The following ZNRF3 variants were observed in gnomAD, a reference collection of about 807,000 sequenced individuals.
ZNRF3 encodes E3 ubiquitin-protein ligase ZNRF3.
Under a neutral mutation model 72.5 loss-of-function variants are expected in ZNRF3, and 23 were observed. The observed-to-expected ratio is 0.32, with a 90% CI of 0.23 to 0.45. ZNRF3 has a LOEUF of 0.45. ZNRF3 is among the 20% of genes least tolerant of loss of function. ZNRF3 has a pLI of 1.00. For missense variants in ZNRF3, 1,169 were observed against 1,272.1 expected, an observed-to-expected ratio of 0.92 and a Z score of 1.23; for synonymous variants, 610 against 545.3, an observed-to-expected ratio of 1.12 and a Z score of -1.65.
intron 1 of ZNRF3, among the ~76,000 whole-genome samples, chr22:28,958,032 A>C (rs969709264): frequency 1.3e-5 from 2 of 151,968 alleles, no homozygotes; most frequent in Non-Finnish European, 2.9e-5. Flanking sequence ...CTAAAAATAC[A>C]AAAAAATTAG....
intron 1 of ZNRF3, among the ~76,000 whole-genome samples, chr22:28,931,813 C>G (rs369973965): frequency 6.6e-6 from 1 of 152,228 alleles, no homozygotes; most frequent in Admixed American, 6.5e-5. Context: ...ATCAGGAGGA[C>G]TCTTCCTGCC....
Position 29,048,137 on chromosome 22 carries a change from G to A in ZNRF3, c.913-252G>A, listed in dbSNP as rs986785092. ...GCCCTCCTCCAGCTACGGGAAAGAC[G>A]CCTGCCTCTGTGCGTGCCCACTCCC... On this transcript the variant is annotated intron_variant, in intron 6 of 8. Coordinates refer to ENST00000544604, the MANE Select transcript of ZNRF3 (RefSeq NM_001206998.2). This position sits in a 1 kb window ranked among gnomAD's most constrained non-coding sequence, Gnocchi z 4.9. Among the ~76,000 whole-genome samples the A allele has an allele frequency of 1.1e-4, 16 of 152,274 alleles. No individual in the cohort carries two copies. The highest frequency in any genetic ancestry group is 3.4e-3 in the Middle Eastern group (1 of 294).
Position 29,030,015 on chromosome 22 carries a change from A to G in ZNRF3, c.427-12480A>G, listed in dbSNP as rs1034070820. Among the ~76,000 whole-genome samples the G allele has an allele frequency of 1.8e-4, 28 of 152,254 alleles. 1 individual carries two copies. Among genetic ancestry groups the G allele is most frequent in the Non-Finnish European group, 7.3e-5 (5 of 68,038 alleles). On this transcript the variant is annotated intron_variant, in intron 2 of 8. Transcript: ENST00000544604. This position sits in a 1 kb window ranked among gnomAD's most constrained non-coding sequence, Gnocchi z 4.2. ...TGGGACTTCTGGAAACTCAACCAAG[A>G]TAACGACTTCCAGGTTCTTCCAAAA...
At chr22:28,903,221 C>T (rs9625640) in intron 1 of ZNRF3, among the ~76,000 whole-genome samples, 10,361 of 152,186 alleles carry the variant, frequency 0.068, 450 homozygotes, top group East Asian at 0.12. Flanking sequence ...CTCTGTCAGT[C>T]GGGCACGTGT....
At chr22:28,975,189 C>G (rs113837992) in intron 1 of ZNRF3, among the ~76,000 whole-genome samples, 2 of 151,746 alleles carry the variant, frequency 1.3e-5, no homozygotes, top group African/African-American at 4.8e-5. Context: ...GAGTCCGAGG[C>G]GGGCGGATCA....
chr22:29,048,834 A>C lies in ZNRF3; in HGVS notation c.1015+343A>C, dbSNP rs2037122245. Among the ~76,000 whole-genome samples, 1 of 152,178 alleles carries C rather than the reference A, an allele frequency of 6.6e-6. No homozygotes were observed. Among genetic ancestry groups the C allele is most frequent in the African/African-American group, 2.4e-5 (1 of 41,438 alleles). ...ATGGGGGTGTTCCTAGGACCACGAG[A>C]GACGATGAGTGTGCAGAGGCCAGCT... is the stretch of plus-strand genomic sequence containing the variant. On this transcript the variant is annotated intron_variant, in intron 7 of 8. Coordinates refer to ENST00000544604, the MANE Select transcript of ZNRF3 (RefSeq NM_001206998.2). This position sits in a 1 kb window ranked among gnomAD's most constrained non-coding sequence, Gnocchi z 4.9.
intron 1 of ZNRF3, among the ~76,000 whole-genome samples, chr22:28,937,965 G>A (rs934591422): frequency 6.6e-6 from 1 of 152,158 alleles, no homozygotes; most frequent in African/African-American, 2.4e-5. Flanking sequence ...TTCTCTTACT[G>A]TTAATATCTT....
At position 29,050,947 on chromosome 22, in the gene ZNRF3, A is replaced by G; in HGVS notation, c.2766A>G (p.Ala922=). ...CCAGCACCACTGCCACTGAGGCTGC[A>G]GGTGAGAGCAGGAAATGGCAGTAGG... ...QESSTTATEA[A]GPRSHSADSS... Residue 922 remains alanine (A), a splice_region_variant and synonymous_variant, in exon 8 of 9, where the codon GCA becomes GCG. Transcript: ENST00000544604. 1.3e-6 allele frequency: 2 copies of G among 1,508,674 alleles called. No individual in the cohort carries two copies. The highest frequency in any genetic ancestry group is 1.8e-6 in the Non-Finnish European group (2 of 1,136,516). 93.5% of individuals were successfully genotyped at this position (1,508,674 alleles called of 1,614,324 possible).
intron 1 of ZNRF3, among the ~76,000 whole-genome samples, chr22:28,965,170 C>T (rs2035437543): frequency 3.3e-5 from 5 of 152,296 alleles, no homozygotes; most frequent in South Asian, 2.1e-4. Context: ...GAATTCTTTC[C>T]ATCTTTGTTG....
At chr22:28,918,791 A>G (rs2034459603) in intron 1 of ZNRF3, among the ~76,000 whole-genome samples, 1 of 151,902 alleles carries the variant, frequency 6.6e-6, no homozygotes. Context: ...GGGGTAGGAA[A>G]GCTGCCACTG....
In ZNRF3 at chr22:29,050,921, T is replaced by A. The variant is rs2037194150; in HGVS notation, c.2740T>A (p.Ser914Thr). The change falls in exon 8 of 9, where the codon TCC becomes ACC. Residue 914 changes from serine (S) to threonine (T), a missense_variant. Physicochemically the swap from Ser to Thr is moderately conservative, Grantham distance 58. Transcript: ENST00000544604. ...TAGTGCCCTCCAGGACACTCAGGAGTCCAGCACCACTGCCACTGAGGCTGC... is the reference window on the plus strand; with the variant it reads ...TAGTGCCCTCCAGGACACTCAGGAGACCAGCACCACTGCCACTGAGGCTGC... ...FPSALQDTQESSTTATEAAGP... is the reference protein window; with the variant it reads ...FPSALQDTQETSTTATEAAGP... The A allele has an allele frequency of 6.5e-7, 1 of 1,529,584 alleles. No homozygotes were observed. The highest frequency in any genetic ancestry group is 8.7e-7 in the Non-Finnish European group (1 of 1,146,614). The allele number at this position is 1,529,584 out of a possible 1,614,324, so 94.8% of individuals were successfully genotyped here.
chr22:28,948,779 C>G (rs2035099743), intron 1 of ZNRF3, among the ~76,000 whole-genome samples: 1 of 152,112 alleles, frequency 6.6e-6, no homozygotes, highest in African/African-American at 2.4e-5. Flanking sequence ...AATCTGAAAC[C>G]ATGTCAATGA....
chr22:28,997,799 A>G (rs956455113), intron 2 of ZNRF3, among the ~76,000 whole-genome samples: 8 of 151,988 alleles, frequency 5.3e-5, no homozygotes, highest in African/African-American at 1.7e-4. Context: ...TGAAGTCAGG[A>G]GTTCCAGACC....
At chr22:28,950,549 T>A (rs2035141593) in intron 1 of ZNRF3, among the ~76,000 whole-genome samples, 1 of 152,228 alleles carries the variant, frequency 6.6e-6, no homozygotes, top group African/African-American at 2.4e-5. Flanking sequence ...TTCCTTTCCT[T>A]TCTAACAAGA....
At chr22:28,917,183 A>G (rs2034421353) in intron 1 of ZNRF3, among the ~76,000 whole-genome samples, 1 of 151,740 alleles carries the variant, frequency 6.6e-6, no homozygotes, top group Non-Finnish European at 1.5e-5. Flanking sequence ...CTCACCTGGC[A>G]CTCCCACAGG....
intron 1 of ZNRF3, among the ~76,000 whole-genome samples, chr22:28,929,327 C>A (rs1199158079): frequency 6.6e-6 from 1 of 152,162 alleles, no homozygotes; most frequent in East Asian, 1.9e-4. Context: ...GGCACTGATG[C>A]CATTTGGAAC....
At chr22:28,959,370 G>C (rs898727110) in intron 1 of ZNRF3, among the ~76,000 whole-genome samples, 2 of 152,170 alleles carry the variant, frequency 1.3e-5, no homozygotes, top group African/African-American at 4.8e-5. Context: ...AGTCTAGTTC[G>C]GGTTGGAGAT....
intron 1 of ZNRF3, among the ~76,000 whole-genome samples, chr22:28,887,229 A>AGT (rs1569234040): frequency 1.4e-5 from 2 of 139,068 alleles, no homozygotes; most frequent in African/African-American, 5.4e-5. Flanking sequence ...GAAGAGAGAG[A>AGT]GAGAGAGTGT....
Position 29,049,404 on chromosome 22 carries a change from A to C in ZNRF3, c.1223A>C (p.Tyr408Ser), listed in dbSNP as rs781124454. 2 of 1,610,340 alleles carry C rather than the reference A, an allele frequency of 1.2e-6. No individual in the cohort carries two copies. The highest frequency in any genetic ancestry group is 1.7e-6 in the Non-Finnish European group (2 of 1,179,678). Residue 408 changes from tyrosine (Y) to serine (S), a missense_variant, in exon 8 of 9, where the codon TAT becomes TCT. This residue lies in a region of ZNRF3 where 783 missense variants were observed against 731.4 expected (regional missense o/e 1.07). Coordinates refer to ENST00000544604, the MANE Select transcript of ZNRF3 (RefSeq NM_001206998.2). This position sits in a 1 kb window ranked among gnomAD's most constrained non-coding sequence, Gnocchi z 5.2. ...TMDRHGEQSLYSPQTPAYIRS... is the reference protein window; with the variant it reads ...TMDRHGEQSLSSPQTPAYIRS... ...GACCGGCACGGGGAGCAGAGCCTCT[A>C]TTCCCCGCAGACCCCCGCCTACATC...
Sources: allele counts gnomAD v4.1 joint callset (sites outside exome capture counted in the v4.1 genomes callset), GRCh38; gene constraint gnomAD v4.1.1; regional missense constraint gnomAD v4.1.1; non-coding constraint Gnocchi (gnomAD v3.1); transcripts MANE v1.5; gene names NCBI Gene and HGNC (gene_info 2026-07-23, HGNC 2026-07-21).